The following TRPA1 variants were observed in gnomAD, a reference collection of about 807,000 sequenced individuals.
The protein encoded by TRPA1 is ankyrin-like with transmembrane domains 1.
TRPA1 carries 129 observed loss-of-function variants against 131.3 expected under a neutral mutation model. The ratio of observed to expected loss-of-function variants is 0.98; its 90% CI spans 0.85 to 1.14. The LOEUF (loss-of-function observed/expected upper bound fraction) is 1.14, where lower values mean the gene tolerates loss of function less well. Among genes scored for constraint, TRPA1 ranks in the 50% most tolerant of loss-of-function variants. TRPA1 has a pLI of 0.00. For synonymous variants in TRPA1, 441 were observed against 451.7 expected (o/e 0.98, Z 0.30); for missense variants, 1,304 against 1,354.2 (o/e 0.96, Z 0.58).
the TRPA1 span, among the ~76,000 whole-genome samples, chr8:72,088,624 A>T: frequency 6.6e-6 from 1 of 152,170 alleles, no homozygotes; most frequent in Non-Finnish European, 1.5e-5. Context: ...TCTACTACTC[A>T]TCAAGCTGTG....
At position 72,069,137 on chromosome 8, in the gene TRPA1, T is replaced by C. The variant is rs1805998038; in HGVS notation, c.330A>G (p.Gln110=). The C allele has an allele frequency of 1.9e-6, 3 of 1,614,242 alleles. No individual in the cohort carries two copies. The highest frequency in any genetic ancestry group is 3.3e-5 in the Admixed American group (2 of 60,030). ...TGAGAAGAAACTTAACGCTTTCAAT[T>C]TGGTTTTTTTCTACAGCACAATGCA... ...TPLHCAVEKN[Q]IESVKFLLSR... Residue 110 remains glutamine (Q), a synonymous_variant, in exon 3 of 27, where the codon CAA becomes CAG. Coordinates refer to ENST00000262209, the MANE Select transcript of TRPA1 (RefSeq NM_007332.3).
Position 72,037,978 on chromosome 8 carries a change from C to T in TRPA1, c.2385+5G>A, listed in dbSNP as rs762351094. The T allele has an allele frequency of 3.9e-6, 6 of 1,555,990 alleles. 1 individual carries two copies. In the South Asian group the frequency reaches 5.6e-5, roughly 14 times the overall value. The stretch of plus-strand genomic sequence containing the variant: ...AACTTTAGAGATACAAAATGTATTA[C>T]ATACCTGTTGGAAAATTTGCCCCGC... On this transcript the variant is annotated splice_donor_5th_base_variant and intron_variant, in intron 20 of 26. Transcript: ENST00000262209.
intron 17 of TRPA1, among the ~76,000 whole-genome samples, chr8:72,045,826 A>G (rs1048461316): frequency 6.6e-6 from 1 of 151,884 alleles, no homozygotes; most frequent in Non-Finnish European, 1.5e-5. Flanking sequence ...CATTATTTTC[A>G]TTGCTTCATT....
chr8:72,041,033 A>T (rs1812233144), intron 17 of TRPA1, among the ~76,000 whole-genome samples: 2 of 152,116 alleles, frequency 1.3e-5, no homozygotes, highest in Non-Finnish European at 2.9e-5. Context: ...AAGATATTCC[A>T]TGCAAATGAG....
intron 10 of TRPA1, 177 bp from the exon 11 acceptor site, chr8:72,056,032 C>G (rs187646384): frequency 1.2e-3 from 778 of 659,750 alleles, no homozygotes; most frequent in Non-Finnish European, 1.7e-3. Flanking sequence ...AAGTTGAATG[C>G]TCTGTCTTCA....
the TRPA1 span, among the ~76,000 whole-genome samples, chr8:72,084,896 C>T: frequency 4.6e-5 from 7 of 151,950 alleles, no homozygotes; most frequent in African/African-American, 9.7e-5. Flanking sequence ...GTGATCTGCC[C>T]GCCTCAGCCT....
the TRPA1 span, among the ~76,000 whole-genome samples, chr8:72,081,024 C>T: frequency 7.9e-5 from 12 of 151,528 alleles, no homozygotes; most frequent in African/African-American, 2.9e-4. Context: ...TGTTTCTCTA[C>T]TTTTGTTTCA....
At chr8:72,046,224 T>A (rs111705796) in intron 17 of TRPA1, among the ~76,000 whole-genome samples, 66 of 152,184 alleles carry the variant, frequency 4.3e-4, no homozygotes, top group African/African-American at 1.5e-3. Flanking sequence ...AAAGGATTGC[T>A]TTCTTTATTA....
chr8:72,038,040 T>G lies in TRPA1; in HGVS notation c.2328A>C (p.Leu776Phe), dbSNP rs754144355. ...NSYLIKTCMI[L>F]VFLSSIFGYC... ...ACCCAAATATACTTGATAAAAACACTAAAATCATACAAGTTTTTATTAGAT... is the reference window on the plus strand; with the variant it reads ...ACCCAAATATACTTGATAAAAACACGAAAATCATACAAGTTTTTATTAGAT... The change falls in exon 20 of 27, where the codon TTA (leucine) becomes TTC (phenylalanine). Residue 776 changes from leucine (L) to phenylalanine (F), a missense_variant. Leu to Phe is a conservative substitution (Grantham distance 22). Transcript: ENST00000262209. The G allele has an allele frequency of 1.3e-6, 2 of 1,596,252 alleles. No homozygotes were observed. The highest frequency in any genetic ancestry group is 1.7e-6 in the Non-Finnish European group (2 of 1,165,358).
chr8:72,038,287 G>C (rs906892185), intron 19 of TRPA1, among the ~76,000 whole-genome samples: 2 of 151,534 alleles, frequency 1.3e-5, no homozygotes, highest in Non-Finnish European at 2.9e-5. Context: ...CTTATTAAGT[G>C]AAGTTCAAAA....
rs142943067 is a variant in TRPA1, at chr8:72,023,681, A to G, written c.3149+133T>C. 2.7e-4 allele frequency: 166 copies of G among 623,714 alleles called. 1 individual carries two copies. The East Asian group carries it at 4.0e-3, about 15-fold the overall frequency. The allele number at this position is 623,714 out of a possible 1,614,324, so 38.6% of individuals were successfully genotyped here. A position where few individuals can be genotyped will look rare whatever the true frequency, so the allele number is the denominator to read the frequency against. ...AAAAATGTCTCATGACTCTCAATAC[A>G]CTAGCTACAGCTATCAATAAAGCAA... is the stretch of plus-strand genomic sequence containing the variant. On this transcript the variant is annotated intron_variant, in intron 26 of 26. Coordinates refer to ENST00000262209, the MANE Select transcript of TRPA1 (RefSeq NM_007332.3).
chr8:72,075,478 G>A lies in TRPA1; in HGVS notation c.-69C>T. 7.6e-7 allele frequency: 1 copy of A among 1,310,404 alleles called. No homozygotes were observed. Among genetic ancestry groups the A allele is most frequent in the Non-Finnish European group, 1.1e-6 (1 of 916,592 alleles). 81.2% of individuals were successfully genotyped at this position (1,310,404 alleles called of 1,614,324 possible). ...GCGCGGGCACCTGGGGCGAGAGAGC[G>A]CTGTCAGCCTGCCAGGCGCTGGGGT... On this transcript the variant is annotated 5_prime_UTR_variant, in exon 1 of 27. Coordinates refer to ENST00000262209, the MANE Select transcript of TRPA1 (RefSeq NM_007332.3).
Position 72,039,768 on chromosome 8 carries a change from A to G in TRPA1, c.2091T>C (p.Leu697=). The change falls in exon 18 of 27, where the codon CTT becomes CTC. Residue 697 remains leucine (L), a synonymous_variant. Coordinates refer to ENST00000262209, the MANE Select transcript of TRPA1 (RefSeq NM_007332.3). The stretch of plus-strand genomic sequence containing the variant: ...ATTCTTTACACACAGGATGATTGAG[A>G]AGCTCTATGCGGTTATTTTGTACCA... The part of the protein sequence containing the change: ...NAMVQNNRIE[L]LNHPVCKEYL... 6.2e-7 allele frequency: 1 copy of G among 1,610,510 alleles called. No individual in the cohort carries two copies. The highest frequency in any genetic ancestry group is 8.5e-7 in the Non-Finnish European group (1 of 1,177,322).
intron 13 of TRPA1, chr8:72,053,450 C>A: frequency 2.4e-6 from 1 of 417,800 alleles, no homozygotes; most frequent in Non-Finnish European, 4.5e-6. Context: ...AAAACTCACC[C>A]CTGCCTTCAT....
At chr8:72,057,913 G>A in intron 8 of TRPA1, 97 bp from the exon 9 acceptor site, 1 of 919,888 alleles carries the variant, frequency 1.1e-6, no homozygotes, top group South Asian at 1.4e-5. Context: ...GATACAGAGT[G>A]TCTATATTAT....
rs561945481 is a variant in TRPA1, at chr8:72,062,520, T to A, written c.807+279A>T. 1.4e-4 allele frequency among the ~76,000 whole-genome samples: 22 copies of A among 152,302 alleles called. No individual in the cohort carries two copies. The South Asian group carries it at 4.6e-3, about 32-fold the overall frequency. On this transcript the variant is annotated intron_variant, in intron 6 of 26. Transcript: ENST00000262209. The stretch of plus-strand genomic sequence containing the variant: ...TGTTCCTGGCTGAACATTATCATCT[T>A]CTGAGGGTAGGCCTTAACTTCTTTA...
intron 1 of TRPA1, among the ~76,000 whole-genome samples, chr8:72,074,662 C>T (rs1458076778): frequency 2.6e-5 from 4 of 152,052 alleles, no homozygotes; most frequent in African/African-American, 4.8e-5. Flanking sequence ...CCTTTAGGTC[C>T]GATAACTGCA....
At chr8:72,030,028 T>C (rs1177360190) in intron 23 of TRPA1, 59 bp from the exon 24 acceptor site, 1 of 1,465,402 alleles carries the variant, frequency 6.8e-7, no homozygotes, top group East Asian at 2.3e-5. Flanking sequence ...AAAATGCATG[T>C]AAGGTCTGTC....
chr8:72,077,480 C>A (rs916985989), upstream of TRPA1, among the ~76,000 whole-genome samples: 2 of 152,152 alleles, frequency 1.3e-5, no homozygotes, highest in Non-Finnish European at 2.9e-5. Flanking sequence ...TCTTCTCTGT[C>A]TTTAACACTG....
Sources: gnomAD v4.1 joint callset for allele counts (sites outside exome capture counted in the v4.1 genomes callset) on GRCh38, gnomAD v4.1.1 for gene constraint, MANE v1.5 for transcripts, NCBI Gene and HGNC (gene_info 2026-07-23, HGNC 2026-07-21) for gene names.